Variants in USP42 observed in about 807,000 individuals in gnomAD.
USP42 encodes the protein ubiquitin specific peptidase 42, also known as ubiquitin carboxyl-terminal hydrolase 42.
USP42 carries 23 observed loss-of-function variants against 113.0 expected under a neutral mutation model. That is an observed-to-expected ratio of 0.20 (90% CI 0.15 to 0.29). USP42 has a LOEUF of 0.29. USP42 is among the 10% of genes least tolerant of loss of function. The pLI, the probability that USP42 is intolerant of heterozygous loss-of-function variation, is 1.00. For missense variants in USP42, 2,174 were observed against 1,779.8 expected, an observed-to-expected ratio of 1.22 and a Z score of -3.99; for synonymous variants, 933 against 699.0, an observed-to-expected ratio of 1.33 and a Z score of -5.28.
rs1348970549 is a variant in USP42 at position 6,139,256 on chromosome 7, A to C, written c.656+62A>C. On this transcript the variant is annotated intron_variant, in intron 5 of 17. Coordinates refer to ENST00000306177, the MANE Select transcript of USP42 (RefSeq NM_032172.3). This position sits in a 1 kb window ranked among gnomAD's most constrained non-coding sequence, Gnocchi z 4.5. ...GGATCTCTGGTTGTAGTTTATTCTTATCAGAATTCATTTTCACCTTTTTTG... is the reference window on the plus strand; with the variant it reads ...GGATCTCTGGTTGTAGTTTATTCTTCTCAGAATTCATTTTCACCTTTTTTG... The C allele has an allele frequency of 7.6e-7, 1 of 1,308,156 alleles. No individual in the cohort carries two copies. The highest frequency in any genetic ancestry group is 1.0e-6 in the Non-Finnish European group (1 of 957,510). The allele number at this position is 1,308,156 out of a possible 1,614,324, so 81.0% of individuals were successfully genotyped here. A position where few individuals can be genotyped will look rare whatever the true frequency, so the allele number is the denominator to read the frequency against.
At chr7:6,155,743 T>C (rs927289556) in intron 15 of USP42, among the ~76,000 whole-genome samples, 13 of 152,106 alleles carry the variant, frequency 8.5e-5, no homozygotes, top group African/African-American at 3.1e-4. Flanking sequence ...GAAATCCAAT[T>C]GGGAAATTTG....
chr7:6,122,061 CAGTTTTGTGTTTTATTG>C (rs900817378), intron 3 of USP42, among the ~76,000 whole-genome samples: 2 of 148,084 alleles, frequency 1.4e-5, no homozygotes, highest in Non-Finnish European at 3.1e-5. Context: ...TGTTTCATTA[CAGTTTTGTGTTTTATTG>C]ATGTTTGTTG....
At position 6,154,689 on chromosome 7, in the gene USP42, C is replaced by T. The variant is rs762343298; in HGVS notation, c.3135C>T (p.Gly1045=). 2 of 1,603,704 alleles carry T rather than the reference C, an allele frequency of 1.2e-6. No individual in the cohort carries two copies. The highest frequency in any genetic ancestry group is 2.2e-5 in the East Asian group (1 of 44,492). ...ACACCGAGGGCGAGCGTGGCTGGGG[C>T]CGGGAGAAGTTCTACCCCGACAGGC... The part of the protein sequence containing the change: ...HHYTEGERGW[G]REKFYPDRPR... The change falls in exon 15 of 18, where the codon GGC becomes GGT. Residue 1045 remains glycine (G), a synonymous_variant. Transcript: ENST00000306177.
At chr7:6,092,051 TTCTTTC>T in the USP42 span, among the ~76,000 whole-genome samples, 14 of 70,248 alleles carry the variant, frequency 2.0e-4, no homozygotes, top group African/African-American at 4.3e-4. Flanking sequence ...CTTCTTCTTC[TTCTTTC>T]TTCTTCTTCT....
At position 6,157,669 on chromosome 7, in the gene USP42, A is replaced by G. The variant is rs568445683; in HGVS notation, c.3943+614A>G. Among the ~76,000 whole-genome samples the G allele has an allele frequency of 3.0e-4, 46 of 152,342 alleles. No homozygotes were observed. Among genetic ancestry groups the G allele is most frequent in the African/African-American group, 1.1e-3 (44 of 41,570 alleles). On this transcript the variant is annotated intron_variant, in intron 16 of 17. Coordinates refer to ENST00000306177, the MANE Select transcript of USP42 (RefSeq NM_032172.3). This position sits in a 1 kb window ranked among gnomAD's most constrained non-coding sequence, Gnocchi z 4.1. The stretch of plus-strand genomic sequence containing the variant: ...TGATAGAAATACTTTTGCAGCGTAT[A>G]CGTTACTCTCCCGAATCCTTAAACC...
Position 6,150,090 on chromosome 7 carries a change from G to A in USP42, c.1894G>A (p.Val632Met). 6.2e-7 allele frequency: 1 copy of A among 1,610,444 alleles called. No homozygotes were observed. Among genetic ancestry groups the A allele is most frequent in the East Asian group, 2.2e-5 (1 of 44,736 alleles). ...LGKENGIGTI[V>M]SSHSPGQDAE... ...CAAGGAGAATGGGATTGGTACGATT[G>A]TGAGCTCCCACTCTCCCGGCCAAGA... Residue 632 changes from valine (V) to methionine (M), a missense_variant, in exon 13 of 18, where the codon GTG becomes ATG. Coordinates refer to ENST00000306177, the MANE Select transcript of USP42 (RefSeq NM_032172.3).
rs746488006 is a variant in USP42 at position 6,142,975 on chromosome 7, C to T, written c.839C>T (p.Pro280Leu). The change falls in exon 8 of 18, where the codon CCG becomes CTG. Residue 280 changes from proline to leucine, a missense_variant. Physicochemically the swap from Pro to Leu is moderately conservative, Grantham distance 98. Transcript: ENST00000306177. ...AAGGCATTGGAGCAGTTTGTGAAGC[C>T]GGAACAGCTTGATGGAGAAAACTCG... Reference protein sequence around the residue: ...VNKALEQFVKPEQLDGENSYK... With the variant: ...VNKALEQFVKLEQLDGENSYK... 4.3e-6 allele frequency: 7 copies of T among 1,613,934 alleles called. No individual in the cohort carries two copies. Among genetic ancestry groups the T allele is most frequent in the Middle Eastern group, 1.6e-4 (1 of 6,062 alleles).
intron 4 of USP42, among the ~76,000 whole-genome samples, chr7:6,138,680 C>G (rs562233559): frequency 6.6e-6 from 1 of 152,172 alleles, no homozygotes; most frequent in Non-Finnish European, 1.5e-5. Flanking sequence ...GGTGAGCATC[C>G]CCACCTGAGC....
intron 15 of USP42, 118 bp downstream of exon 15, chr7:6,155,313 AT>A (rs1490322769): frequency 5.7e-6 from 8 of 1,398,918 alleles, no homozygotes; most frequent in African/African-American, 2.9e-5. Context: ...TATCCGTCTG[AT>A]TTGTGTCTTT....
chr7:6,100,313 G>C (rs1297354704), upstream of USP42, among the ~76,000 whole-genome samples: 3 of 148,702 alleles, frequency 2.0e-5, no homozygotes, highest in Non-Finnish European at 4.4e-5. Flanking sequence ...CCATTGCCTG[G>C]AGATTTATTT....
chr7:6,083,591 C>T, the USP42 span, among the ~76,000 whole-genome samples: 1 of 150,302 alleles, frequency 6.7e-6, no homozygotes, highest in East Asian at 1.9e-4. Flanking sequence ...CATATATATA[C>T]ACACACATAT....
chr7:6,086,951 C>T, the USP42 span, among the ~76,000 whole-genome samples: 30 of 150,500 alleles, frequency 2.0e-4, no homozygotes, highest in Admixed American at 1.7e-3. Context: ...TTGTCTCGAA[C>T]TCCTGACTTC....
intron 3 of USP42, among the ~76,000 whole-genome samples, chr7:6,128,942 C>T (rs958794296): frequency 1.3e-5 from 2 of 152,068 alleles, no homozygotes; most frequent in Admixed American, 6.6e-5. Flanking sequence ...TGCCTCAGCC[C>T]CGCAAGTGGC....
upstream of USP42, among the ~76,000 whole-genome samples, chr7:6,104,729 G>A (rs914103889): frequency 2.0e-5 from 3 of 152,138 alleles, no homozygotes; most frequent in African/African-American, 7.2e-5. Flanking sequence ...CCGGCGCTCT[G>A]GTGACGCGCG....
intron 4 of USP42, 51 bp downstream of exon 4, chr7:6,136,002 CTTTTTTT>C (rs11322306): frequency 1.2e-4 from 67 of 549,334 alleles, no homozygotes; most frequent in Middle Eastern, 5.7e-4. Flanking sequence ...CCTAGTTATA[CTTTTTTT>C]TTTTTTTTTT....
At position 6,142,968 on chromosome 7, in the gene USP42, G is replaced by A; in HGVS notation, c.832G>A (p.Val278Met). 6.2e-7 allele frequency: 1 copy of A among 1,614,010 alleles called. No homozygotes were observed. Among genetic ancestry groups the A allele is most frequent in the Non-Finnish European group, 8.5e-7 (1 of 1,179,878 alleles). Residue 278 changes from valine (V) to methionine (M), a missense_variant, in exon 8 of 18, where the codon GTG (valine) becomes ATG (methionine). Coordinates refer to ENST00000306177, the MANE Select transcript of USP42 (RefSeq NM_032172.3). ...TGTCAACAAGGCATTGGAGCAGTTT[G>A]TGAAGCCGGAACAGCTTGATGGAGA... is the stretch of plus-strand genomic sequence containing the variant. ...QSVNKALEQF[V>M]KPEQLDGENS...
rs1782370073 is a variant in USP42 at position 6,155,172 on chromosome 7, C to T, written c.3618C>T (p.Asp1206=). The T allele has an allele frequency of 1.3e-6, 2 of 1,538,592 alleles. No individual in the cohort carries two copies. Among genetic ancestry groups the T allele is most frequent in the African/African-American group, 1.4e-5 (1 of 72,074 alleles). ...KKSKKKKKSK[D]KHRDRDSRHQ... is the part of the protein sequence containing the mutation. ...CAAAGAAGAAAAAGAAATCCAAAGACAAACACCGAGACCGCGACTCCAGGT... is the reference window on the plus strand; with the variant it reads ...CAAAGAAGAAAAAGAAATCCAAAGATAAACACCGAGACCGCGACTCCAGGT... Residue 1206 remains aspartate, a synonymous_variant, in exon 15 of 18, where the codon GAC becomes GAT. Transcript: ENST00000306177.
At chr7:6,093,738 A>T in the USP42 span, among the ~76,000 whole-genome samples, 3 of 143,822 alleles carry the variant, frequency 2.1e-5, no homozygotes. Flanking sequence ...TATGGTAGGT[A>T]CTTCTTTTGA....
chr7:6,112,379 G>A (rs1386238862), intron 2 of USP42, among the ~76,000 whole-genome samples: 1 of 152,100 alleles, frequency 6.6e-6, no homozygotes, highest in Admixed American at 6.6e-5. Context: ...AACCTGGGAG[G>A]CAGAGGTTGC....
Sources: allele counts gnomAD v4.1 joint callset (sites outside exome capture counted in the v4.1 genomes callset), GRCh38; gene constraint gnomAD v4.1.1; non-coding constraint Gnocchi (gnomAD v3.1); transcripts MANE v1.5; gene names NCBI Gene and HGNC (gene_info 2026-07-23, HGNC 2026-07-21).